The following MTFR1 variants were observed in gnomAD, a reference collection of about 807,000 sequenced individuals.
MTFR1 encodes mitochondrial fission regulator 1.
MTFR1 carries 28 observed loss-of-function variants against 38.8 expected under a neutral mutation model. That is an observed-to-expected ratio of 0.72 (90% CI 0.53 to 0.99). MTFR1 has a LOEUF of 0.99. Ranked by LOEUF, MTFR1 falls within the 50% of genes least tolerant of loss-of-function variation. The pLI is 0.00. For synonymous variants in MTFR1, 145 were observed against 137.0 expected (o/e 1.06, Z -0.41); for missense variants, 358 against 395.5 (o/e 0.91, Z 0.81).
downstream of MTFR1, among the ~76,000 whole-genome samples, chr8:65,772,144 A>G (rs1430028577): frequency 6.6e-6 from 1 of 152,222 alleles, no homozygotes; most frequent in Non-Finnish European, 1.5e-5. Flanking sequence ...CAACAGGGAA[A>G]TTAACAGTGA....
intron 3 of MTFR1, among the ~76,000 whole-genome samples, chr8:65,764,260 C>T (rs190453833): frequency 1.3e-5 from 2 of 152,198 alleles, no homozygotes; most frequent in East Asian, 3.9e-4. Flanking sequence ...CTGAAACAAC[C>T]TGATATGACT....
intron 3 of MTFR1, chr8:65,724,142 A>C (rs1237734151): frequency 6.4e-6 from 4 of 626,896 alleles, no homozygotes; most frequent in African/African-American, 1.8e-5. Context: ...TTGTTACTAA[A>C]AATGTCAAGA....
intron 1 of MTFR1, among the ~76,000 whole-genome samples, chr8:65,652,882 C>T (rs1205554694): frequency 6.6e-6 from 1 of 152,136 alleles, no homozygotes. Flanking sequence ...CTAGCTAGGA[C>T]TTTTTACTAT....
At chr8:65,741,177 T>C (rs962990665) in intron 3 of MTFR1, among the ~76,000 whole-genome samples, 2 of 152,230 alleles carry the variant, frequency 1.3e-5, no homozygotes, top group African/African-American at 4.8e-5. Context: ...AACAATTAAA[T>C]AGACCACGTT....
intron 5 of MTFR1, among the ~76,000 whole-genome samples, chr8:65,705,616 C>T (rs1805761078): frequency 6.6e-6 from 1 of 152,160 alleles, no homozygotes; most frequent in Admixed American, 6.5e-5. Flanking sequence ...GCCTGGGTTT[C>T]TGTGTGGTAC....
intron 3 of MTFR1, among the ~76,000 whole-genome samples, chr8:65,732,174 T>C (rs1806921027): frequency 6.6e-6 from 1 of 152,084 alleles, no homozygotes; most frequent in African/African-American, 2.4e-5. Context: ...AATTTTTGTA[T>C]TTTTAGTAGA....
chr8:65,757,181 C>CT (rs1392295023), intron 3 of MTFR1, among the ~76,000 whole-genome samples: 1 of 152,146 alleles, frequency 6.6e-6, no homozygotes, highest in Non-Finnish European at 1.5e-5. Context: ...AGTGGGCAGA[C>CT]ATTAGAGTCC....
At chr8:65,665,559 T>G (rs528398503) in intron 1 of MTFR1, among the ~76,000 whole-genome samples, 1 of 152,364 alleles carries the variant, frequency 6.6e-6, no homozygotes, top group Admixed American at 6.5e-5. Context: ...CTCTCCAGCA[T>G]TTCCTTATAT....
At chr8:65,705,916 T>C (rs752455807) in intron 5 of MTFR1, among the ~76,000 whole-genome samples, 2 of 152,268 alleles carry the variant, frequency 1.3e-5, no homozygotes, top group Non-Finnish European at 2.9e-5. Flanking sequence ...CTTGAAATTC[T>C]AGCCCACTAA....
chr8:65,735,019 T>C, intron 3 of MTFR1: 1 of 648,916 alleles, frequency 1.5e-6, no homozygotes, highest in Non-Finnish European at 2.8e-6. Flanking sequence ...ATCGTGCCGA[T>C]TCGGGCAGAT....
At chr8:65,708,943 A>G (rs780711612) in intron 7 of MTFR1, 33 bp from the exon 8 acceptor site, 8 of 1,605,898 alleles carry the variant, frequency 5.0e-6, no homozygotes, top group Admixed American at 3.3e-5. Context: ...ACTTGAACCA[A>G]TATCTTTATT....
chr8:65,768,722 G>T (rs1048979493), intron 3 of MTFR1, among the ~76,000 whole-genome samples: 1 of 152,040 alleles, frequency 6.6e-6, no homozygotes, highest in African/African-American at 2.4e-5. Context: ...GAATGTTTCT[G>T]GTCATCCTAA....
intron 3 of MTFR1, among the ~76,000 whole-genome samples, chr8:65,693,356 AG>A (rs112888075): frequency 0.015 from 2,292 of 152,048 alleles, 52 homozygotes; most frequent in African/African-American, 0.051. Context: ...AGCCAAAGAT[AG>A]AGCCACTGCA....
chr8:65,682,881 G>A (rs887466101), intron 3 of MTFR1: 2 of 985,130 alleles, frequency 2.0e-6, no homozygotes, highest in Non-Finnish European at 2.4e-6. Flanking sequence ...TCCGTCATTG[G>A]TTTCAAGATC....
intron 2 of MTFR1, among the ~76,000 whole-genome samples, chr8:65,671,671 G>A (rs1242461252): frequency 6.6e-6 from 1 of 151,504 alleles, no homozygotes; most frequent in African/African-American, 2.4e-5. Context: ...TGTTATTTAT[G>A]ATTTCCAAAA....
At chr8:65,707,367 G>C in intron 6 of MTFR1, 111 bp downstream of exon 6, 1 of 1,190,004 alleles carries the variant, frequency 8.4e-7, no homozygotes, top group Non-Finnish European at 1.2e-6. Context: ...ATAGTTTTTA[G>C]TTTAAAAAAA....
intron 3 of MTFR1, chr8:65,724,818 A>T (rs1398427149): frequency 1.2e-6 from 2 of 1,612,014 alleles, no homozygotes; most frequent in Non-Finnish European, 1.7e-6. Context: ...TCTAGGCATA[A>T]ATCACCTCTA....
chr8:65,659,426 G>GTT (rs35841835), intron 1 of MTFR1, among the ~76,000 whole-genome samples: 17,372 of 133,246 alleles, frequency 0.13, 1,188 homozygotes, highest in Middle Eastern at 0.18. Context: ...CAAAGGAGAG[G>GTT]TTTTTTTTTT....
chr8:65,659,306 G>A (rs1460909750), intron 1 of MTFR1, among the ~76,000 whole-genome samples: 1 of 151,916 alleles, frequency 6.6e-6, no homozygotes, highest in Non-Finnish European at 1.5e-5. Context: ...GTGCTACAAA[G>A]TGAAACCAGC....
Sources: gnomAD v4.1 joint callset for allele counts (sites outside exome capture counted in the v4.1 genomes callset) on GRCh38, gnomAD v4.1.1 for gene constraint, MANE v1.5 for transcripts, NCBI Gene and HGNC (gene_info 2026-07-23, HGNC 2026-07-21) for gene names.